LINGO2: variants seen among roughly 807,000 people sequenced by gnomAD.
LINGO2 encodes the protein leucine-rich repeat and immunoglobulin-like domain-containing nogo receptor-interacting protein 2.
A neutral mutation model predicts 30.6 loss-of-function variants in LINGO2; 14 were observed. The observed-to-expected ratio is 0.46, with a 90% confidence interval of 0.30 to 0.72. LINGO2 has a LOEUF of 0.72. LINGO2 is among the 30% of genes least tolerant of loss of function. The probability of loss-of-function intolerance (pLI) is 0.07; values close to 1 mark genes in which losing one functional copy is unlikely to be tolerated. For synonymous variants in LINGO2, 317 were observed against 288.5 expected, an observed-to-expected ratio of 1.10 and a Z score of -1.00; for missense variants, 729 against 751.7, an observed-to-expected ratio of 0.97 and a Z score of 0.35.
At chr9:28,097,497 A>G (rs1427196380) in intron 4 of LINGO2, among the ~76,000 whole-genome samples, 1 of 145,646 alleles carries the variant, frequency 6.9e-6, no homozygotes, top group Non-Finnish European at 1.5e-5. Flanking sequence ...ATGGAATACT[A>G]TGCAGCCATA....
the LINGO2 span, among the ~76,000 whole-genome samples, chr9:29,033,475 A>T: frequency 6.6e-6 from 1 of 151,070 alleles, no homozygotes; most frequent in Non-Finnish European, 1.5e-5. Context: ...ACGGGGTTGA[A>T]ATAGTTTAAT....
At chr9:28,020,862 G>A (rs1420895319) in intron 4 of LINGO2, among the ~76,000 whole-genome samples, 1 of 151,988 alleles carries the variant, frequency 6.6e-6, no homozygotes, top group African/African-American at 2.4e-5. Context: ...AAACCTCCTT[G>A]GAATCTATAG....
intron 2 of LINGO2, among the ~76,000 whole-genome samples, chr9:28,422,094 G>T (rs558790173): frequency 6.6e-6 from 1 of 152,082 alleles, no homozygotes; most frequent in East Asian, 1.9e-4. Flanking sequence ...CAGGACATGG[G>T]ATTTGGCAAT....
intron 4 of LINGO2, among the ~76,000 whole-genome samples, chr9:28,237,121 G>GGT (rs1554691316): frequency 7.1e-6 from 1 of 141,170 alleles, no homozygotes; most frequent in South Asian, 2.4e-4. Context: ...ACAGTGCGGG[G>GGT]GGGGGGTAAA....
At chr9:29,169,296 G>C in the LINGO2 span, among the ~76,000 whole-genome samples, 4 of 152,102 alleles carry the variant, frequency 2.6e-5, no homozygotes, top group Non-Finnish European at 5.9e-5. Flanking sequence ...AGAAATGTTA[G>C]AGACTATTTT....
chr9:28,587,582 G>A (rs968259802), intron 1 of LINGO2, among the ~76,000 whole-genome samples: 6 of 151,842 alleles, frequency 4.0e-5, no homozygotes, highest in South Asian at 2.1e-4. Flanking sequence ...TATGCGATGG[G>A]TATGATAAAG....
chr9:28,529,424 A>C (rs1821146508), intron 1 of LINGO2, among the ~76,000 whole-genome samples: 1 of 152,194 alleles, frequency 6.6e-6, no homozygotes, highest in South Asian at 2.1e-4. Context: ...TTAATGACTC[A>C]ATGGATTTAT....
At position 28,058,172 on chromosome 9, in the gene LINGO2, A is replaced by C. The variant is rs898178472; in HGVS notation, c.-86-45767T>G. On this transcript the variant is annotated intron_variant, in intron 4 of 5. Transcript: ENST00000379992. ...CTGCTAGTTGATACTACAAGGCTTA[A>C]TGGATCAAAGTATTTGATGCCATCA... Among the ~76,000 whole-genome samples the C allele has an allele frequency of 7.9e-5, 12 of 152,134 alleles. 1 individual carries two copies. Among genetic ancestry groups the C allele is most frequent in the Admixed American group, 3.9e-4 (6 of 15,262 alleles).
chr9:29,016,444 G>A, the LINGO2 span, among the ~76,000 whole-genome samples: 1 of 152,122 alleles, frequency 6.6e-6, no homozygotes, highest in Non-Finnish European at 1.5e-5. Flanking sequence ...AAAGTAGAAT[G>A]TCTAAATGTT....
chr9:28,172,390 C>CA (rs11421802), intron 4 of LINGO2, among the ~76,000 whole-genome samples: 15,519 of 118,994 alleles, frequency 0.13, 938 homozygotes, highest in South Asian at 0.19. Flanking sequence ...GACTCCGTCT[C>CA]AAAAAAAAAA....
intron 4 of LINGO2, among the ~76,000 whole-genome samples, chr9:28,065,459 A>G (rs1587799794): frequency 6.6e-6 from 1 of 152,172 alleles, no homozygotes; most frequent in African/African-American, 2.4e-5. Flanking sequence ...TAAGAGTTGC[A>G]TAGTAAAAAC....
intron 4 of LINGO2, among the ~76,000 whole-genome samples, chr9:28,128,675 C>T (rs1049027630): frequency 6.6e-6 from 1 of 152,170 alleles, no homozygotes; most frequent in Non-Finnish European, 1.5e-5. Flanking sequence ...AACTTCTCTA[C>T]GGTTCTGACC....
At chr9:28,843,579 G>A in the LINGO2 span, among the ~76,000 whole-genome samples, 4 of 151,746 alleles carry the variant, frequency 2.6e-5, no homozygotes, top group South Asian at 2.1e-4. Flanking sequence ...GAGTGTTAAC[G>A]AAAGAAAATA....
At chr9:29,180,396 T>C in the LINGO2 span, among the ~76,000 whole-genome samples, 2 of 152,214 alleles carry the variant, frequency 1.3e-5, 1 homozygote, top group South Asian at 4.1e-4. Context: ...CTTGGTTGAA[T>C]GTATATCCTT....
At chr9:28,428,385 A>C (rs1168801214) in intron 2 of LINGO2, among the ~76,000 whole-genome samples, 1 of 152,180 alleles carries the variant, frequency 6.6e-6, no homozygotes, top group African/African-American at 2.4e-5. Flanking sequence ...CTGGCTGACG[A>C]AGCAGAATCA....
intron 4 of LINGO2, among the ~76,000 whole-genome samples, chr9:28,088,210 ACACACAC>A (rs1825969940): frequency 7.4e-4 from 1 of 1,358 alleles, no homozygotes; most frequent in Non-Finnish European, 2.7e-3. Flanking sequence ...TTATACACAC[ACACACAC>A]ACACACACAC....
At chr9:28,462,634 A>G (rs932314184) in intron 2 of LINGO2, among the ~76,000 whole-genome samples, 35 of 152,008 alleles carry the variant, frequency 2.3e-4, no homozygotes, top group African/African-American at 8.2e-4. Flanking sequence ...AGTTTGTGCT[A>G]TTATTTATTG....
At chr9:28,860,287 T>A in the LINGO2 span, among the ~76,000 whole-genome samples, 1 of 152,092 alleles carries the variant, frequency 6.6e-6, no homozygotes, top group Non-Finnish European at 1.5e-5. Context: ...TGAAGGTGAT[T>A]TTTGGAAGAG....
At chr9:28,974,129 C>A in the LINGO2 span, among the ~76,000 whole-genome samples, 1 of 152,192 alleles carries the variant, frequency 6.6e-6, no homozygotes, top group Non-Finnish European at 1.5e-5. Flanking sequence ...TAAATAGAGG[C>A]TGGGTGTGGT....
Sources: gnomAD v4.1 joint callset for allele counts (sites outside exome capture counted in the v4.1 genomes callset) on GRCh38, gnomAD v4.1.1 for gene constraint, MANE v1.5 for transcripts, NCBI Gene and HGNC (gene_info 2026-07-23, HGNC 2026-07-21) for gene names.